Variants in SUPT7L observed in about 807,000 individuals in gnomAD.
The protein encoded by SUPT7L is SPT7 like, STAGA complex subunit gamma.
A neutral mutation model predicts 35.7 loss-of-function variants in SUPT7L; 15 were observed. The observed-to-expected ratio is 0.42, with a 90% CI of 0.28 to 0.65. The LOEUF (loss-of-function observed/expected upper bound fraction) is 0.65. SUPT7L is among the 30% of genes least tolerant of loss of function. The probability of loss-of-function intolerance (pLI) is 0.23; values close to 1 mark genes in which losing one functional copy is unlikely to be tolerated. For missense variants in SUPT7L, 434 were observed against 522.2 expected, an observed-to-expected ratio of 0.83 and a Z score of 1.65; for synonymous variants, 168 against 186.2, an observed-to-expected ratio of 0.90 and a Z score of 0.79.
chr2:27,651,784 T>A lies in SUPT7L; in HGVS notation c.*1701A>T, dbSNP rs1334083115. The A allele has an allele frequency of 6.6e-6, 1 of 152,222 alleles. No homozygotes were observed. The highest frequency in any genetic ancestry group is 1.5e-5 in the Non-Finnish European group (1 of 68,052). The allele number at this position is 152,222 out of a possible 1,614,324, so 9.4% of individuals were successfully genotyped here. On this transcript the variant is annotated 3_prime_UTR_variant, in exon 6 of 6. Transcript: ENST00000337768. ...GCTGGATGAATGAACTAAATTCCCATACGGCCACTTTATGGAAACTAACTG... is the reference window on the plus strand; with the variant it reads ...GCTGGATGAATGAACTAAATTCCCAAACGGCCACTTTATGGAAACTAACTG...
rs1337857525 is a variant in SUPT7L, at chr2:27,661,192, G to C, written c.211C>G (p.Gln71Glu). 2.5e-6 allele frequency: 4 copies of C among 1,614,034 alleles called. No individual in the cohort carries two copies. The highest frequency in any genetic ancestry group is 3.3e-5 in the Admixed American group (2 of 59,996). ...SLTIHTIQLI[Q>E]HNRRLRNLIA... Reference sequence around the variant, plus strand: ...AGGTTGCGAAGACGTCGGTTGTGCTGAATCAACTGAATCGTATGGATGGTG... The same window carrying C: ...AGGTTGCGAAGACGTCGGTTGTGCTCAATCAACTGAATCGTATGGATGGTG... The change falls in exon 3 of 6, where the codon CAG becomes GAG. Residue 71 changes from glutamine (Q) to glutamate (E), a missense_variant. Gln to Glu is a conservative substitution (Grantham distance 29). Around this residue, in one of 3 missense-constraint regions of SUPT7L, gnomAD observed 77 missense variants for 114.4 expected, o/e 0.67. Coordinates refer to ENST00000337768, the MANE Select transcript of SUPT7L (RefSeq NM_014860.3).
the SUPT7L span, among the ~76,000 whole-genome samples, chr2:27,645,706 AT>A: frequency 0.031 from 4,499 of 146,194 alleles, 211 homozygotes; most frequent in African/African-American, 0.11. Context: ...TTTCTTTTTA[AT>A]TTTTTTTTTT....
At chr2:27,654,859 C>T (rs1674718836) in intron 5 of SUPT7L, among the ~76,000 whole-genome samples, 1 of 152,196 alleles carries the variant, frequency 6.6e-6, no homozygotes, top group South Asian at 2.1e-4. Flanking sequence ...AGCCACTGCG[C>T]CCAGCCGGAA....
rs1266968691 is a variant in SUPT7L at position 27,662,222 on chromosome 2, CATTTATCAA to C, written c.-39_-31del. 3.1e-6 allele frequency: 5 copies of C among 1,613,310 alleles called. No homozygotes were observed. The African/African-American group carries it at 4.0e-5, about 13-fold the overall frequency. ...CATATGTCTCTTCAAGTTCAACAAA[CATTTATCAA>C]ATGCCAGGCATTCTGTGTCGGTCAA... On this transcript the variant is annotated 5_prime_UTR_variant, in exon 2 of 6. It adds an upstream start codon to the 5' untranslated region. Transcript: ENST00000337768.
downstream of SUPT7L, chr2:27,647,937 C>A: frequency 6.3e-7 from 1 of 1,596,136 alleles, no homozygotes; most frequent in Non-Finnish European, 8.6e-7. Context: ...TGACATTGAC[C>A]ACAGAGGTGA....
the SUPT7L span, among the ~76,000 whole-genome samples, chr2:27,644,728 T>G: frequency 9.5e-5 from 14 of 148,128 alleles, no homozygotes; most frequent in East Asian, 3.9e-4. Context: ...GTAGTGTTTT[T>G]TTTTTTTTTT....
At chr2:27,660,907 A>G in intron 3 of SUPT7L, 77 bp downstream of exon 3, 2 of 1,471,378 alleles carry the variant, frequency 1.4e-6, no homozygotes, top group South Asian at 2.8e-5. Context: ...ATGAAAATGG[A>G]AATGCTATTA....
the SUPT7L span, among the ~76,000 whole-genome samples, chr2:27,645,406 T>C: frequency 6.6e-6 from 1 of 152,240 alleles, no homozygotes; most frequent in South Asian, 2.1e-4. Flanking sequence ...TATTTGGCTG[T>C]CCTTACATGT....
At chr2:27,659,956 A>C (rs993050366) in intron 3 of SUPT7L, among the ~76,000 whole-genome samples, 9 of 152,222 alleles carry the variant, frequency 5.9e-5, no homozygotes, top group South Asian at 2.1e-4. Context: ...TGAAAATAAA[A>C]AAGTAATTGG....
chr2:27,661,538 G>A, intron 2 of SUPT7L, 150 bp from the exon 3 acceptor site: 1 of 1,446,668 alleles, frequency 6.9e-7, no homozygotes, highest in Non-Finnish European at 9.0e-7. Context: ...TAAAAAGTAG[G>A]CTATTTGTGA....
At chr2:27,655,738 T>G in intron 4 of SUPT7L, 136 bp from the exon 5 acceptor site, 1 of 783,724 alleles carries the variant, frequency 1.3e-6, no homozygotes, top group Non-Finnish European at 2.0e-6. Context: ...TGGGAGGGAT[T>G]TGTTTAAGGT....
At chr2:27,659,774 C>T (rs1674964230) in intron 3 of SUPT7L, among the ~76,000 whole-genome samples, 1 of 152,000 alleles carries the variant, frequency 6.6e-6, no homozygotes, top group Admixed American at 6.6e-5. Context: ...AAAATGTGTG[C>T]ATATACAAGT....
rs374932610 is a variant in SUPT7L at position 27,653,443 on chromosome 2, T to C, written c.*42A>G. 5 of 1,577,098 alleles carry C rather than the reference T, an allele frequency of 3.2e-6. No homozygotes were observed. In the African/African-American group the frequency reaches 6.8e-5, roughly 21 times the overall value. ...ATTCTAATACAAAAACCTTTTCTGT[T>C]GGGTCTAGTAGGTCTGGACAAAACA... On this transcript the variant is annotated 3_prime_UTR_variant, in exon 6 of 6. Transcript: ENST00000337768.
chr2:27,655,695 T>G, intron 4 of SUPT7L, 93 bp from the exon 5 acceptor site: 1 of 1,095,848 alleles, frequency 9.1e-7, no homozygotes, highest in Non-Finnish European at 1.3e-6. Context: ...CAACAGAACA[T>G]GAATAACAGA....
chr2:27,654,385 T>C (rs1674698382), intron 5 of SUPT7L, among the ~76,000 whole-genome samples: 1 of 152,204 alleles, frequency 6.6e-6, no homozygotes, highest in Admixed American at 6.5e-5. Context: ...CTAATTCCAT[T>C]TAGACCACAT....
chr2:27,642,958 T>C, the SUPT7L span, among the ~76,000 whole-genome samples: 29,074 of 122,126 alleles, frequency 0.24, 3,925 homozygotes, highest in East Asian at 0.55. Flanking sequence ...TATATATATA[T>C]ACACACACAC....
downstream of SUPT7L, chr2:27,647,837 C>T (rs367597395): frequency 1.1e-5 from 17 of 1,596,994 alleles, no homozygotes; most frequent in African/African-American, 8.0e-5. Context: ...TCACTGTAGA[C>T]AGCTTATCTC....
Position 27,657,045 on chromosome 2 carries a change from T to C in SUPT7L, c.744+300A>G, listed in dbSNP as rs1173039698. 1.3e-5 allele frequency among the ~76,000 whole-genome samples: 2 copies of C among 152,258 alleles called. No homozygotes were observed. The highest frequency in any genetic ancestry group is 4.8e-5 in the African/African-American group (2 of 41,470). On this transcript the variant is annotated intron_variant, in intron 4 of 5. Coordinates refer to ENST00000337768, the MANE Select transcript of SUPT7L (RefSeq NM_014860.3). This position sits in a 1 kb window ranked among gnomAD's most constrained non-coding sequence, Gnocchi z 5.2. ...TGCTGAATCCCACAATGCTCGACTC[T>C]CAACAGGCACTCAATAAATACTTGT...
chr2:27,642,738 A>G, the SUPT7L span, among the ~76,000 whole-genome samples: 1 of 151,532 alleles, frequency 6.6e-6, no homozygotes, highest in African/African-American at 2.4e-5. Context: ...CTAATTTTGT[A>G]TTTTTAGTAG....
Sources: allele counts gnomAD v4.1 joint callset (sites outside exome capture counted in the v4.1 genomes callset), GRCh38; gene constraint gnomAD v4.1.1; regional missense constraint gnomAD v4.1.1; non-coding constraint Gnocchi (gnomAD v3.1); transcripts MANE v1.5; gene names NCBI Gene and HGNC (gene_info 2026-07-23, HGNC 2026-07-21).